The following FAM193A variants were observed in gnomAD, a reference collection of about 807,000 sequenced individuals.
The protein encoded by FAM193A is protein FAM193A.
Under a neutral mutation model 126.5 loss-of-function variants are expected in FAM193A, and 22 were observed. The ratio of observed to expected loss-of-function variants is 0.17; its 90% CI spans 0.12 to 0.25. The LOEUF is 0.25. FAM193A is among the 10% of genes least tolerant of loss of function. The pLI, the probability that FAM193A is intolerant of heterozygous loss-of-function variation, is 1.00. For synonymous variants in FAM193A, 761 were observed against 646.8 expected (o/e 1.18, Z -2.68); for missense variants, 1,675 against 1,672.8 (o/e 1.00, Z -0.02).
chr4:2,685,535 G>C lies in FAM193A; in HGVS notation c.2332-3971G>C, dbSNP rs995541400. 2.0e-5 allele frequency among the ~76,000 whole-genome samples: 3 copies of C among 152,188 alleles called. No individual in the cohort carries two copies. The East Asian group carries it at 5.8e-4, about 29-fold the overall frequency. On this transcript the variant is annotated intron_variant, in intron 13 of 20. Transcript: ENST00000637812. ...CAGCCTGAAAACTGGCACAGCCAAAGCAAAGATGGTCCTTCGCCTCTTTAC... is the reference window on the plus strand; with the variant it reads ...CAGCCTGAAAACTGGCACAGCCAAACCAAAGATGGTCCTTCGCCTCTTTAC...
intron 2 of FAM193A, among the ~76,000 whole-genome samples, chr4:2,606,173 C>T (rs1004161783): frequency 4.7e-5 from 7 of 149,030 alleles, no homozygotes; most frequent in Admixed American, 1.4e-4. Context: ...GCCTCAACCT[C>T]CCATGTTGCT....
At chr4:2,651,057 C>T (rs1295161832) in intron 7 of FAM193A, among the ~76,000 whole-genome samples, 1 of 152,126 alleles carries the variant, frequency 6.6e-6, no homozygotes, top group African/African-American at 2.4e-5. Context: ...TGAGACCGGG[C>T]TTGATACTCA....
At chr4:2,598,212 A>G (rs1740981213) in intron 2 of FAM193A, among the ~76,000 whole-genome samples, 1 of 152,070 alleles carries the variant, frequency 6.6e-6, no homozygotes, top group Non-Finnish European at 1.5e-5. Context: ...TTTTGTTCCT[A>G]CAGTTTTGCT....
chr4:2,611,275 A>AT (rs1199584593), intron 2 of FAM193A, among the ~76,000 whole-genome samples: 2 of 150,358 alleles, frequency 1.3e-5, no homozygotes, highest in African/African-American at 2.4e-5. Context: ...TTATTTATTT[A>AT]TTTATTTATT....
Position 2,662,900 on chromosome 4 carries a change from G to A in FAM193A, c.1808G>A (p.Ser603Asn), listed in dbSNP as rs893628148. 2 of 1,613,542 alleles carry A rather than the reference G, an allele frequency of 1.2e-6. No individual in the cohort carries two copies. Among genetic ancestry groups the A allele is most frequent in the Non-Finnish European group, 1.7e-6 (2 of 1,179,542 alleles). Residue 603 changes from serine to asparagine, a missense_variant, in exon 11 of 21, where the codon AGT becomes AAT. Ser to Asn is a conservative substitution (Grantham distance 46). This residue lies in a region of FAM193A where 1,186 missense variants were observed against 1,109.2 expected (regional missense o/e 1.07). Coordinates refer to ENST00000637812, the MANE Select transcript of FAM193A (RefSeq NM_001366318.2). ...AAATTTGCTGATATTTATCCATTGA[G>A]TAATTATGATGATACCGAGGTGGTG... The part of the protein sequence containing the change: ...SAKFADIYPL[S>N]NYDDTEVVAN...
chr4:2,727,225 C>T (rs556096655), intron 20 of FAM193A, among the ~76,000 whole-genome samples: 1 of 152,076 alleles, frequency 6.6e-6, no homozygotes, highest in Admixed American at 6.6e-5. Flanking sequence ...CGTCACTGCA[C>T]TCCAGCCTGG....
chr4:2,727,887 C>G (rs908220902), intron 20 of FAM193A, among the ~76,000 whole-genome samples: 2 of 151,412 alleles, frequency 1.3e-5, no homozygotes, highest in Non-Finnish European at 2.9e-5. Context: ...GATCACAGTT[C>G]ATTGCTGGGA....
chr4:2,655,039 T>G (rs1711523767), intron 7 of FAM193A: 1 of 663,446 alleles, frequency 1.5e-6, no homozygotes, highest in African/African-American at 1.8e-5. Flanking sequence ...ATTTGTCCCC[T>G]TTTTTTGGCT....
At chr4:2,589,726 A>G (rs762875706) in intron 1 of FAM193A, among the ~76,000 whole-genome samples, 3 of 152,246 alleles carry the variant, frequency 2.0e-5, no homozygotes, top group South Asian at 2.1e-4. Context: ...TTGCTCAGAG[A>G]ACCTGCATAT....
In FAM193A at chr4:2,580,265, G is replaced by A. The variant is rs1433333429; in HGVS notation, c.256-15819G>A. On this transcript the variant is annotated intron_variant, in intron 1 of 20. Coordinates refer to ENST00000637812, the MANE Select transcript of FAM193A (RefSeq NM_001366318.2). ...AGAAAACCAGATACCGCATATTCTC[G>A]CTTATAGCCGATGAGAACACATGGA... Among the ~76,000 whole-genome samples the A allele has an allele frequency of 2.6e-5, 4 of 152,004 alleles. No individual in the cohort carries two copies. The South Asian group carries it at 6.2e-4, about 24-fold the overall frequency.
Position 2,605,987 on chromosome 4 carries a change from AAAAAAAAAAAAT to A in FAM193A, c.501+9659_501+9670del, listed in dbSNP as rs1490268542. Among the ~76,000 whole-genome samples, 140 of 148,406 alleles carry A rather than the reference AAAAAAAAAAAAT, an allele frequency of 9.4e-4. 3 individuals carry two copies. Among genetic ancestry groups the A allele is most frequent in the Middle Eastern group, 3.4e-3 (1 of 292 alleles). ...CTCTGTCTCAAAAAAAAAAAAAAAAAAAAAAAAAAAATGGTTTAGTAAGTAGAGTGGCCGTGT... is the reference window on the plus strand; with the variant it reads ...CTCTGTCTCAAAAAAAAAAAAAAAAAGGTTTAGTAAGTAGAGTGGCCGTGT... On this transcript the variant is annotated intron_variant, in intron 2 of 20. Transcript: ENST00000637812.
chr4:2,547,275 C>G (rs1737621376), intron 1 of FAM193A, among the ~76,000 whole-genome samples: 2 of 152,086 alleles, frequency 1.3e-5, no homozygotes, highest in South Asian at 4.1e-4. Context: ...GTAATTCCAG[C>G]TACTCGGGAG....
intron 1 of FAM193A, among the ~76,000 whole-genome samples, chr4:2,581,953 C>T (rs1459554294): frequency 1.3e-5 from 2 of 152,056 alleles, no homozygotes; most frequent in African/African-American, 4.8e-5. Flanking sequence ...GCACCTGGCT[C>T]TTCTCCTTTA....
intron 19 of FAM193A, among the ~76,000 whole-genome samples, chr4:2,714,738 G>A (rs1719359747): frequency 6.6e-6 from 1 of 152,164 alleles, no homozygotes; most frequent in African/African-American, 2.4e-5. Flanking sequence ...TGCTACCATG[G>A]AAATTCCCCA....
intron 20 of FAM193A, among the ~76,000 whole-genome samples, 183 bp downstream of exon 20, chr4:2,716,287 C>T (rs560023319): frequency 2.0e-5 from 3 of 152,344 alleles, no homozygotes; most frequent in African/African-American, 7.2e-5. Context: ...CTCCCATACT[C>T]CCAACACTCA....
chr4:2,603,263 T>C (rs36116957), intron 2 of FAM193A, among the ~76,000 whole-genome samples: 28,241 of 145,288 alleles, frequency 0.19, 5,111 homozygotes, highest in African/African-American at 0.49. Context: ...GGATTATAGG[T>C]GTGAGCCACC....
chr4:2,584,767 A>ACGCCTG (rs1740139867), intron 1 of FAM193A, among the ~76,000 whole-genome samples: 1 of 152,002 alleles, frequency 6.6e-6, no homozygotes, highest in African/African-American at 2.4e-5. Context: ...TTTACTAAAA[A>ACGCCTG]TACAAAAATT....
intron 19 of FAM193A, among the ~76,000 whole-genome samples, chr4:2,709,021 T>G (rs138037095): frequency 6.4e-4 from 98 of 152,246 alleles, no homozygotes; most frequent in African/African-American, 2.2e-3. Context: ...TATTATAAGA[T>G]AATTATTTAA....
At chr4:2,725,792 C>T (rs973345730) in intron 20 of FAM193A, among the ~76,000 whole-genome samples, 1 of 151,712 alleles carries the variant, frequency 6.6e-6, no homozygotes, top group African/African-American at 2.4e-5. Context: ...GCTCACTGGA[C>T]CCTTGACCTC....
Sources: allele counts gnomAD v4.1 joint callset (sites outside exome capture counted in the v4.1 genomes callset), GRCh38; gene constraint gnomAD v4.1.1; regional missense constraint gnomAD v4.1.1; transcripts MANE v1.5; gene names NCBI Gene and HGNC (gene_info 2026-07-23, HGNC 2026-07-21).